Variants in DLG2 observed in about 807,000 individuals in gnomAD.
DLG2 encodes disks large homolog 2.
DLG2 carries 45 observed loss-of-function variants against 132.5 expected under a neutral mutation model. That is an observed-to-expected ratio of 0.34 (90% CI 0.27 to 0.44). The LOEUF is 0.44. DLG2 is among the 20% of genes least tolerant of loss of function. The pLI is 1.00. For missense variants in DLG2, 1,045 were observed against 1,196.9 expected (o/e 0.87, Z 1.87); for synonymous variants, 424 against 419.6 (o/e 1.01, Z -0.13).
chr11:84,073,192 T>A (rs2096781341), intron 10 of DLG2, among the ~76,000 whole-genome samples: 1 of 152,196 alleles, frequency 6.6e-6, no homozygotes, highest in Non-Finnish European at 1.5e-5. Flanking sequence ...TTGCTGCCAG[T>A]ATCCACACCT....
chr11:83,975,519 T>C (rs754257000), intron 12 of DLG2, among the ~76,000 whole-genome samples: 43 of 152,026 alleles, frequency 2.8e-4, no homozygotes, highest in African/African-American at 7.7e-4. Flanking sequence ...AAGAGGTTTA[T>C]TGCAAAGGTA....
chr11:83,635,843 T>C (rs972053566), intron 18 of DLG2, among the ~76,000 whole-genome samples: 1 of 152,164 alleles, frequency 6.6e-6, no homozygotes, highest in African/African-American at 2.4e-5. Flanking sequence ...GATCTTGGTG[T>C]ATATGTGAAT....
At chr11:83,749,286 T>C (rs1387964559) in intron 18 of DLG2, among the ~76,000 whole-genome samples, 1 of 152,188 alleles carries the variant, frequency 6.6e-6, no homozygotes, top group Non-Finnish European at 1.5e-5. Context: ...CCTTCAGAAA[T>C]AATTTTATTG....
chr11:85,124,967 A>G (rs557015520), intron 5 of DLG2, among the ~76,000 whole-genome samples: 2 of 152,130 alleles, frequency 1.3e-5, no homozygotes, highest in South Asian at 4.2e-4. Flanking sequence ...AGTAGCTGGG[A>G]CTACAGGCAT....
chr11:84,360,795 T>A (rs2098645438), intron 7 of DLG2, among the ~76,000 whole-genome samples: 1 of 151,720 alleles, frequency 6.6e-6, no homozygotes, highest in Admixed American at 6.6e-5. Context: ...AAAAAATGAA[T>A]TAATAGAGAA....
chr11:84,080,871 A>G (rs2096891771), intron 10 of DLG2, among the ~76,000 whole-genome samples: 1 of 152,004 alleles, frequency 6.6e-6, no homozygotes, highest in South Asian at 2.1e-4. Flanking sequence ...GGACACCTGT[A>G]ATCCCAGCTT....
chr11:84,218,397 G>GAA (rs35788779), intron 8 of DLG2, among the ~76,000 whole-genome samples: 4,861 of 146,866 alleles, frequency 0.033, 156 homozygotes, highest in Admixed American at 0.082. Flanking sequence ...AGGGAGGGAG[G>GAA]GAGGAAGGAA....
At chr11:84,596,999 T>A (rs985379660) in intron 6 of DLG2, among the ~76,000 whole-genome samples, 27 of 152,110 alleles carry the variant, frequency 1.8e-4, no homozygotes, top group African/African-American at 6.0e-4. Context: ...GGCGGGCGGA[T>A]CACCTGAGGT....
chr11:85,322,507 T>G (rs514903), intron 3 of DLG2, among the ~76,000 whole-genome samples: 1 of 151,860 alleles, frequency 6.6e-6, no homozygotes, highest in Admixed American at 6.6e-5. Context: ...GTGACTAATA[T>G]CAGCTGATAT....
chr11:84,502,334 CTT>C (rs1298582971), intron 7 of DLG2, among the ~76,000 whole-genome samples: 6 of 25,692 alleles, frequency 2.3e-4, no homozygotes, highest in Non-Finnish European at 3.5e-4. Flanking sequence ...TTCTTTCTTT[CTT>C]TCTTTCTTTC....
chr11:84,537,151 G>C (rs1200094364), intron 6 of DLG2, among the ~76,000 whole-genome samples: 1 of 152,046 alleles, frequency 6.6e-6, no homozygotes, highest in Non-Finnish European at 1.5e-5. Context: ...TGTCACCCCA[G>C]GCTGGAGTGC....
intron 7 of DLG2, among the ~76,000 whole-genome samples, chr11:84,262,138 A>G (rs2097555662): frequency 6.6e-6 from 1 of 152,206 alleles, no homozygotes; most frequent in Non-Finnish European, 1.5e-5. Context: ...AAGGAAAGTG[A>G]GGCATGGACC....
chr11:83,986,936 G>C (rs36189811), intron 11 of DLG2, among the ~76,000 whole-genome samples: 3,364 of 152,162 alleles, frequency 0.022, 68 homozygotes, highest in Middle Eastern at 0.034. Context: ...ATTTGTTTGA[G>C]TTCATTGTAG....
At chr11:84,213,818 C>CAAAAAAAAAA (rs35761640) in intron 8 of DLG2, among the ~76,000 whole-genome samples, 2 of 46,564 alleles carry the variant, frequency 4.3e-5, no homozygotes, top group Admixed American at 2.2e-4. Context: ...GACTCCGTCT[C>CAAAAAAAAAA]AAAAAAAAAA....
intron 15 of DLG2, among the ~76,000 whole-genome samples, chr11:83,911,836 A>G (rs865983004): frequency 2.6e-5 from 4 of 152,270 alleles, no homozygotes; most frequent in Middle Eastern, 6.8e-3. Flanking sequence ...CCTGTTACTA[A>G]AAGAAAAGCA....
intron 6 of DLG2, among the ~76,000 whole-genome samples, chr11:85,011,830 G>C (rs1226975873): frequency 6.6e-6 from 1 of 152,090 alleles, no homozygotes; most frequent in Admixed American, 6.5e-5. Flanking sequence ...GGAGTTTTCT[G>C]GGTAATCAAA....
chr11:84,842,268 A>C (rs557203426), intron 6 of DLG2, among the ~76,000 whole-genome samples: 2 of 152,006 alleles, frequency 1.3e-5, no homozygotes, highest in African/African-American at 4.8e-5. Context: ...TCTGCTTCTC[A>C]TAACAATCTT....
intron 21 of DLG2, among the ~76,000 whole-genome samples, chr11:83,524,900 ATGTG>A (rs146536521): frequency 4.6e-5 from 7 of 152,080 alleles, no homozygotes; most frequent in Non-Finnish European, 8.8e-5. Flanking sequence ...AAACATGAGT[ATGTG>A]TGTGTGTGCA....
chr11:85,506,276 CTT>C (rs1039056137), intron 3 of DLG2, among the ~76,000 whole-genome samples: 14 of 152,100 alleles, frequency 9.2e-5, no homozygotes, highest in East Asian at 1.9e-4. Context: ...TGTGTTTGCT[CTT>C]GTTTCACCAG....
Sources: allele counts gnomAD v4.1 joint callset (sites outside exome capture counted in the v4.1 genomes callset), GRCh38; gene constraint gnomAD v4.1.1; transcripts MANE v1.5; gene names NCBI Gene and HGNC (gene_info 2026-07-23, HGNC 2026-07-21).